KALRN: variants seen among roughly 807,000 people sequenced by gnomAD.
KALRN encodes kalirin RhoGEF kinase.
In KALRN, 70 loss-of-function variants were observed where a neutral mutation model predicts 353.7. The observed-to-expected ratio is 0.20, with a 90% CI of 0.16 to 0.24. The LOEUF (loss-of-function observed/expected upper bound fraction) is 0.24. Among genes scored for constraint, KALRN ranks in the 10% least tolerant of loss-of-function variants. KALRN has a pLI of 1.00. For synonymous variants in KALRN, 1,391 were observed against 1,434.8 expected (o/e 0.97, Z 0.69); for missense variants, 2,791 against 3,756.7 (o/e 0.74, Z 6.72).
In KALRN at chr3:124,637,331, G is replaced by C. The variant is rs774588777; in HGVS notation, c.5664+28G>C. On this transcript the variant is annotated intron_variant, in intron 37 of 59. Coordinates refer to ENST00000682506, the MANE Select transcript of KALRN (RefSeq NM_001388419.1). ...AAGTGGGGGTCCTGGAGGCAGTTCT[G>C]TGTGTGTCTCACCTTCACACTGCTC... 3 of 1,517,130 alleles carry C rather than the reference G, an allele frequency of 2.0e-6. No homozygotes were observed. The East Asian group carries it at 6.8e-5, about 34-fold the overall frequency. The allele number at this position is 1,517,130 out of a possible 1,614,324, so 94.0% of individuals were successfully genotyped here. A position where few individuals can be genotyped will look rare whatever the true frequency, so the allele number is the denominator to read the frequency against.
At chr3:124,314,506 A>G (rs989058961) in intron 6 of KALRN, among the ~76,000 whole-genome samples, 1 of 152,202 alleles carries the variant, frequency 6.6e-6, no homozygotes, top group African/African-American at 2.4e-5. Flanking sequence ...TATTTAAAAA[A>G]AAAGAATACC....
At chr3:124,573,509 C>CT (rs147973167) in intron 34 of KALRN, among the ~76,000 whole-genome samples, 29 of 151,930 alleles carry the variant, frequency 1.9e-4, no homozygotes, top group Middle Eastern at 3.4e-3. Context: ...TTTCTTTTTT[C>CT]TTTTTTTTAC....
At chr3:124,460,494 A>C (rs1422736292) in intron 23 of KALRN, among the ~76,000 whole-genome samples, 1 of 152,242 alleles carries the variant, frequency 6.6e-6, no homozygotes, top group East Asian at 1.9e-4. Flanking sequence ...GCAAGTTCTC[A>C]AAGGCCGTCA....
At chr3:124,693,991 G>A (rs555761901) in intron 52 of KALRN, among the ~76,000 whole-genome samples, 160 bp downstream of exon 52, 4 of 152,306 alleles carry the variant, frequency 2.6e-5, no homozygotes, top group Non-Finnish European at 5.9e-5. Flanking sequence ...AAAGACTAAA[G>A]CTTGCGATAT....
intron 1 of KALRN, among the ~76,000 whole-genome samples, chr3:124,199,385 ATT>A (rs2075751065): frequency 6.6e-6 from 1 of 152,158 alleles, no homozygotes; most frequent in Admixed American, 6.5e-5. Flanking sequence ...GAGTTTCTGG[ATT>A]TGTGTTGAAC....
At chr3:124,385,165 A>G (rs985058193) in intron 11 of KALRN, 129 bp downstream of exon 11, 1 of 698,154 alleles carries the variant, frequency 1.4e-6, no homozygotes, top group Non-Finnish European at 2.3e-6. Flanking sequence ...TAACTTTGGT[A>G]ATATTAACAA....
chr3:124,190,509 G>A (rs2150306329), intron 1 of KALRN, among the ~76,000 whole-genome samples: 1 of 152,272 alleles, frequency 6.6e-6, no homozygotes, highest in African/African-American at 2.4e-5. Flanking sequence ...CCAAGACATG[G>A]TGGCATAAAC....
chr3:124,102,607 C>T (rs1175492490), intron 1 of KALRN, among the ~76,000 whole-genome samples: 1 of 152,196 alleles, frequency 6.6e-6, no homozygotes, highest in African/African-American at 2.4e-5. Flanking sequence ...AGTAAGTACT[C>T]AGTAAGTATG....
At chr3:124,466,660 T>C (rs146210421) in intron 25 of KALRN, among the ~76,000 whole-genome samples, 3 of 152,300 alleles carry the variant, frequency 2.0e-5, no homozygotes, top group African/African-American at 7.2e-5. Flanking sequence ...CAGAGGGTCC[T>C]CTCAACCATC....
At chr3:124,409,548 T>C (rs1048423283) in intron 13 of KALRN, among the ~76,000 whole-genome samples, 1 of 152,158 alleles carries the variant, frequency 6.6e-6, no homozygotes, top group African/African-American at 2.4e-5. Context: ...TCAGGGCTAT[T>C]AGGCTAGTGA....
At chr3:124,483,396 C>CA (rs1462674812) in intron 28 of KALRN, among the ~76,000 whole-genome samples, 1 of 151,976 alleles carries the variant, frequency 6.6e-6, no homozygotes, top group Non-Finnish European at 1.5e-5. Context: ...ACTAAAAATA[C>CA]AAAAAATTAG....
chr3:124,552,774 T>C (rs552489281), intron 33 of KALRN, among the ~76,000 whole-genome samples: 10 of 152,322 alleles, frequency 6.6e-5, no homozygotes, highest in African/African-American at 2.4e-4. Flanking sequence ...TTTTGTTTGT[T>C]TGTTTTTTGA....
In KALRN at chr3:124,490,712, A is replaced by G; in HGVS notation, c.4415A>G (p.Asp1472Gly). ...TTTTCAGGGTTCGACGAGAACCTGG[A>G]TGTGCAGGGGGAGTTGATTCTCCAG... ...SMLEGFDENLDVQGELILQDA... is the reference protein window; with the variant it reads ...SMLEGFDENLGVQGELILQDA... The change falls in exon 30 of 60, where the codon GAT becomes GGT. Residue 1472 changes from aspartate to glycine, a missense_variant. Asp to Gly is a moderately conservative substitution (Grantham distance 94). Coordinates refer to ENST00000682506, the MANE Select transcript of KALRN (RefSeq NM_001388419.1). 1 of 1,613,096 alleles carries G rather than the reference A, an allele frequency of 6.2e-7. No homozygotes were observed. The highest frequency in any genetic ancestry group is 8.5e-7 in the Non-Finnish European group (1 of 1,179,740).
chr3:124,476,792 A>G (rs979121737), intron 26 of KALRN, among the ~76,000 whole-genome samples: 3 of 152,154 alleles, frequency 2.0e-5, no homozygotes, highest in Non-Finnish European at 2.9e-5. Flanking sequence ...CCTTTCTCCA[A>G]TGGAGACATT....
chr3:124,369,325 C>G (rs1008094853), intron 10 of KALRN, among the ~76,000 whole-genome samples: 12 of 152,118 alleles, frequency 7.9e-5, no homozygotes, highest in Non-Finnish European at 1.5e-5. Context: ...TGGAGAAAGT[C>G]TTGTTTATTG....
intron 33 of KALRN, among the ~76,000 whole-genome samples, chr3:124,552,354 G>A (rs929974481): frequency 6.6e-6 from 1 of 152,174 alleles, no homozygotes; most frequent in African/African-American, 2.4e-5. Context: ...CAGGCTGCCC[G>A]TCCCCAGATT....
intron 33 of KALRN, among the ~76,000 whole-genome samples, chr3:124,523,481 C>T (rs1269721811): frequency 6.6e-6 from 1 of 152,202 alleles, no homozygotes; most frequent in Non-Finnish European, 1.5e-5. Context: ...TAGAACTTAG[C>T]ATTATGAAAG....
chr3:124,668,193 C>T (rs540054071), intron 47 of KALRN, among the ~76,000 whole-genome samples: 1 of 152,250 alleles, frequency 6.6e-6, no homozygotes, highest in South Asian at 2.1e-4. Flanking sequence ...CATGCATGTA[C>T]ACACGTACAG....
intron 38 of KALRN, among the ~76,000 whole-genome samples, chr3:124,655,377 T>C (rs989513409): frequency 2.6e-5 from 4 of 152,216 alleles, no homozygotes; most frequent in Admixed American, 2.0e-4. Flanking sequence ...CGTGTGACTA[T>C]TGTATGTCAC....
Sources: allele counts gnomAD v4.1 joint callset (sites outside exome capture counted in the v4.1 genomes callset), GRCh38; gene constraint gnomAD v4.1.1; transcripts MANE v1.5; gene names NCBI Gene and HGNC (gene_info 2026-07-23, HGNC 2026-07-21).